The following MTOR variants were observed in gnomAD, a reference collection of about 807,000 sequenced individuals.
MTOR encodes the protein mechanistic target of rapamycin kinase, also known as serine/threonine-protein kinase mTOR.
In MTOR, 70 loss-of-function variants were observed where a neutral mutation model predicts 319.8. The ratio of observed to expected loss-of-function variants is 0.22; its 90% CI spans 0.18 to 0.27. The LOEUF (loss-of-function observed/expected upper bound fraction) is 0.27. MTOR is among the 10% of genes least tolerant of loss of function. The pLI, the probability that MTOR is intolerant of heterozygous loss-of-function variation, is 1.00. For missense variants in MTOR, 1,890 were observed against 3,274.4 expected (o/e 0.58, Z 10.32); for synonymous variants, 1,183 against 1,211.4 (o/e 0.98, Z 0.49).
intron 20 of MTOR, among the ~76,000 whole-genome samples, chr1:11,214,681 T>C (rs1646412278): frequency 6.6e-6 from 1 of 152,216 alleles, no homozygotes; most frequent in South Asian, 2.1e-4. Flanking sequence ...AAGCAAAAAC[T>C]ATACTAGAAG....
intron 12 of MTOR, 142 bp downstream of exon 12, chr1:11,238,260 T>C (rs1483599332): frequency 5.2e-6 from 5 of 963,346 alleles, no homozygotes. Flanking sequence ...TAGCCATGCC[T>C]AACACGCCTT....
rs768606197 is a variant in MTOR at position 11,247,686 on chromosome 1, G to T, written c.1164C>A (p.Ile388=). 6.2e-7 allele frequency: 1 copy of T among 1,614,188 alleles called. No individual in the cohort carries two copies. The highest frequency in any genetic ancestry group is 8.5e-7 in the Non-Finnish European group (1 of 1,180,038). ...GCAACAAATTAAGGATTGTCATTTG[G>T]ATCAGCGAGTTCTTGCTATTCCTGC... The part of the protein sequence containing the change: ...LKCRNSKNSL[I]QMTILNLLPR... The change falls in exon 8 of 58, where the codon ATC becomes ATA. Residue 388 remains isoleucine, a synonymous_variant. Transcript: ENST00000361445.
chr1:11,222,863 T>C (rs1266893168), intron 19 of MTOR, among the ~76,000 whole-genome samples: 2 of 152,066 alleles, frequency 1.3e-5, no homozygotes, highest in African/African-American at 4.8e-5. Flanking sequence ...CTAAAATGAC[T>C]GGGAAAAAGG....
At chr1:11,235,630 C>A (rs560490499) in intron 13 of MTOR, among the ~76,000 whole-genome samples, 1 of 152,256 alleles carries the variant, frequency 6.6e-6, no homozygotes, top group African/African-American at 2.4e-5. Flanking sequence ...TTCAAAGGAG[C>A]TTCACACTCT....
rs1643918729 is a variant in MTOR at position 11,146,079 on chromosome 1, T to C, written c.4686+597A>G. On this transcript the variant is annotated intron_variant, in intron 32 of 57. Transcript: ENST00000361445. ...TGCAGTTTGAGTTTCCTCTGTGCCATCAATTAAAAACCCCTCATGCAGAGC... is the reference window on the plus strand; with the variant it reads ...TGCAGTTTGAGTTTCCTCTGTGCCACCAATTAAAAACCCCTCATGCAGAGC... Among the ~76,000 whole-genome samples, 13 of 152,300 alleles carry C rather than the reference T, an allele frequency of 8.5e-5. No individual in the cohort carries two copies. In the South Asian group the frequency reaches 2.7e-3, roughly 32 times the overall value.
chr1:11,220,764 A>G (rs901419278), intron 19 of MTOR, among the ~76,000 whole-genome samples: 3 of 152,208 alleles, frequency 2.0e-5, no homozygotes, highest in Non-Finnish European at 4.4e-5. Context: ...TCTTGATTTT[A>G]GCCCAGTGAG....
chr1:11,150,193 C>G lies in MTOR; in HGVS notation c.4503G>C (p.Trp1501Cys). The G allele has an allele frequency of 6.2e-7, 1 of 1,614,074 alleles. No homozygotes were observed. The highest frequency in any genetic ancestry group is 8.5e-7 in the Non-Finnish European group (1 of 1,180,008). Residue 1501 changes from tryptophan (W) to cysteine (C), a missense_variant, in exon 31 of 58, where the codon TGG becomes TGC. Around this residue, in one of 15 missense-constraint regions of MTOR, gnomAD observed 276 missense variants for 459.4 expected, o/e 0.60. Transcript: ENST00000361445. Reference sequence around the variant, plus strand: ...CTTGGGTCTCATCATTAACCAGGGTCCACTTTTCACAGCACTGCTGGTGGA... The same window carrying G: ...CTTGGGTCTCATCATTAACCAGGGTGCACTTTTCACAGCACTGCTGGTGGA... ...GQLHQQCCEK[W>C]TLVNDETQAK...
At chr1:11,126,503 G>T in intron 46 of MTOR, 119 bp downstream of exon 46, 2 of 1,144,696 alleles carry the variant, frequency 1.7e-6, no homozygotes, top group Non-Finnish European at 2.5e-6. Context: ...GAGCATGGGA[G>T]AGATGTAGCT....
At chr1:11,170,061 T>C (rs893408992) in intron 28 of MTOR, among the ~76,000 whole-genome samples, 1 of 152,238 alleles carries the variant, frequency 6.6e-6, no homozygotes, top group Non-Finnish European at 1.5e-5. Flanking sequence ...CTGGTGCTTC[T>C]TGAGCTGGTA....
At chr1:11,176,897 C>A (rs981184103) in intron 28 of MTOR, among the ~76,000 whole-genome samples, 12 of 152,140 alleles carry the variant, frequency 7.9e-5, no homozygotes, top group Non-Finnish European at 1.3e-4. Context: ...AATCTGGGAA[C>A]AGGAGAATGG....
Position 11,109,481 on chromosome 1 carries a change from C to A in MTOR, c.7448-111G>T. The A allele has an allele frequency of 2.5e-6, 3 of 1,221,732 alleles. No individual in the cohort carries two copies. The Admixed American group carries it at 5.8e-5, about 24-fold the overall frequency. 75.7% of individuals were successfully genotyped at this position (1,221,732 alleles called of 1,614,324 possible). A position where few individuals can be genotyped will look rare whatever the true frequency, so the allele number is the denominator to read the frequency against. On this transcript the variant is annotated intron_variant, in intron 55 of 57. Transcript: ENST00000361445. The surrounding 1 kb of genome is among the most constrained non-coding windows in gnomAD (Gnocchi z 4.0). ...CTTTTGTAAGTGTTAAGCAATCCTTCCTCTATGTCCGTCTTTGTCCTCAGA... is the reference window on the plus strand; with the variant it reads ...CTTTTGTAAGTGTTAAGCAATCCTTACTCTATGTCCGTCTTTGTCCTCAGA...
intron 28 of MTOR, among the ~76,000 whole-genome samples, chr1:11,183,152 C>G (rs1645212232): frequency 6.6e-6 from 1 of 152,166 alleles, no homozygotes; most frequent in African/African-American, 2.4e-5. Context: ...TCCATTTCAG[C>G]CCTTCTGGTT....
At chr1:11,200,371 T>C (rs1274657697) in intron 26 of MTOR, among the ~76,000 whole-genome samples, 1 of 152,204 alleles carries the variant, frequency 6.6e-6, no homozygotes, top group East Asian at 1.9e-4. Flanking sequence ...AAAGATTTTC[T>C]AAGCCAACAG....
intron 26 of MTOR, among the ~76,000 whole-genome samples, chr1:11,202,527 G>C (rs1646010448): frequency 6.6e-6 from 1 of 151,732 alleles, no homozygotes; most frequent in Non-Finnish European, 1.5e-5. Flanking sequence ...TATTATTCAG[G>C]TGATGGTTCT....
At position 11,233,500 on chromosome 1, in the gene MTOR, G is replaced by A. The variant is rs1220867291; in HGVS notation, c.2332-13C>T. The A allele has an allele frequency of 1.2e-6, 2 of 1,606,316 alleles. No homozygotes were observed. The highest frequency in any genetic ancestry group is 1.7e-6 in the Non-Finnish European group (2 of 1,173,132). On this transcript the variant is annotated splice_polypyrimidine_tract_variant and intron_variant, in intron 14 of 57. Coordinates refer to ENST00000361445, the MANE Select transcript of MTOR (RefSeq NM_004958.4). ...TCAAAATTAATGCCTAGAGAAAGAA[G>A]TTATGAGAAAATGAATGCAGATTAG...
rs886731111 is a variant in MTOR at position 11,202,626 on chromosome 1, T to TA, written c.3944+1934dup. Among the ~76,000 whole-genome samples the TA allele has an allele frequency of 1.9e-3, 279 of 147,498 alleles. 1 individual carries two copies. The highest frequency in any genetic ancestry group is 6.7e-3 in the African/African-American group (268 of 40,236). ...AAAATCTATAAAAATTTTTAAAAAT[T>TA]AAAAAAAAAATGGTGATGACTCATG... On this transcript the variant is annotated intron_variant, in intron 26 of 57. Transcript: ENST00000361445.
At chr1:11,155,211 T>C (rs975104004) in intron 30 of MTOR, among the ~76,000 whole-genome samples, 1 of 152,178 alleles carries the variant, frequency 6.6e-6, no homozygotes, top group Non-Finnish European at 1.5e-5. Context: ...TGAAATATCA[T>C]GCAGCTATTA....
chr1:11,189,628 G>T, intron 28 of MTOR: 2 of 1,613,818 alleles, frequency 1.2e-6, no homozygotes, highest in Non-Finnish European at 1.7e-6. Flanking sequence ...CATTTTCATC[G>T]TGGCCTTTGT....
chr1:11,234,283 T>C lies in MTOR; in HGVS notation c.2209-18A>G. On this transcript the variant is annotated intron_variant, in intron 13 of 57. Transcript: ENST00000361445. Reference sequence around the variant, plus strand: ...GTCAAAATCTGTAGGGAAGAAAGGCTCATATGTTCTCTATGGCAGAAGACA... The same window carrying C: ...GTCAAAATCTGTAGGGAAGAAAGGCCCATATGTTCTCTATGGCAGAAGACA... The C allele has an allele frequency of 4.4e-6, 7 of 1,599,932 alleles. No individual in the cohort carries two copies. The highest frequency in any genetic ancestry group is 6.0e-6 in the Non-Finnish European group (7 of 1,173,336).
Sources: gnomAD v4.1 joint callset for allele counts (sites outside exome capture counted in the v4.1 genomes callset) on GRCh38, gnomAD v4.1.1 for gene constraint, gnomAD v4.1.1 regional missense constraint, Gnocchi (gnomAD v3.1) non-coding constraint, MANE v1.5 for transcripts, NCBI Gene and HGNC (gene_info 2026-07-23, HGNC 2026-07-21) for gene names.